Variants in ENOSF1 observed in about 807,000 individuals in gnomAD.
The protein encoded by ENOSF1 is mitochondrial enolase superfamily member 1.
Under a neutral mutation model 68.2 loss-of-function variants are expected in ENOSF1, and 73 were observed. The observed-to-expected ratio is 1.07, with a 90% CI of 0.89 to 1.30. The LOEUF (loss-of-function observed/expected upper bound fraction) is 1.30. Ranked by LOEUF, ENOSF1 falls within the 50% of genes most tolerant of loss-of-function variation. The pLI is 0.00. For synonymous variants in ENOSF1, 223 were observed against 210.4 expected (o/e 1.06, Z -0.52); for missense variants, 589 against 554.5 (o/e 1.06, Z -0.62).
At chr18:693,764 C>T (rs2077439447) in intron 5 of ENOSF1, 118 bp downstream of exon 5, 4 of 1,490,818 alleles carry the variant, frequency 2.7e-6, no homozygotes, top group Admixed American at 2.6e-5. Context: ...TTTGCTTTAT[C>T]ATCGCTATAG....
chr18:697,414 C>T, intron 2 of ENOSF1, 59 bp from the exon 3 acceptor site: 3 of 1,216,862 alleles, frequency 2.5e-6, no homozygotes, highest in Non-Finnish European at 3.6e-6. Context: ...GAAATTAGCA[C>T]CTGAAAACAT....
chr18:697,982 C>T (rs1484082327), intron 2 of ENOSF1, among the ~76,000 whole-genome samples: 1 of 152,066 alleles, frequency 6.6e-6, no homozygotes, highest in African/African-American at 2.4e-5. Context: ...TTTGTAGAGA[C>T]GCAGTTTCGA....
rs576654575 is a variant in ENOSF1 at position 691,216 on chromosome 18, C to T, written c.484G>A (p.Glu162Lys). Residue 162 changes from glutamate to lysine, a missense_variant, in exon 6 of 16, where the codon GAG (glutamate) becomes AAG (lysine). Glu to Lys is a moderately conservative substitution (Grantham distance 56, BLOSUM62 1). Transcript: ENST00000647584. ...CTTCCAAACTCACCTAGGGCATCCT[C>T]CTCAGTCAGGACATCAGTGATGTAC... ...FRYITDVLTE[E>K]DALEILQKGQ... is the part of the protein sequence containing the mutation. 4 of 1,614,204 alleles carry T rather than the reference C, an allele frequency of 2.5e-6. 1 individual carries two copies. In the Admixed American group the frequency reaches 6.7e-5, roughly 27 times the overall value.
At chr18:679,812 C>T (rs1568025988) in intron 11 of ENOSF1, among the ~76,000 whole-genome samples, 1 of 152,148 alleles carries the variant, frequency 6.6e-6, no homozygotes, top group Non-Finnish European at 1.5e-5. Context: ...AGCTACTCCG[C>T]ACAGGTAGCC....
chr18:695,828 T>C (rs1335332538), intron 3 of ENOSF1, among the ~76,000 whole-genome samples: 4 of 152,228 alleles, frequency 2.6e-5, no homozygotes, highest in East Asian at 1.9e-4. Context: ...GATGTTCAAA[T>C]TGTCCCAGAT....
rs1336921601 is a variant in ENOSF1, at chr18:677,776, G to A, written c.1015C>T (p.Leu339Phe). 6.2e-7 allele frequency: 1 copy of A among 1,614,098 alleles called. No individual in the cohort carries two copies. The highest frequency in any genetic ancestry group is 1.7e-5 in the Admixed American group (1 of 60,010). The change falls in exon 13 of 16, where the codon CTC becomes TTC. Residue 339 changes from leucine to phenylalanine, a missense_variant. By Grantham distance (22) the Leu-to-Phe change is conservative (BLOSUM62 0). Transcript: ENST00000647584. ...TTTTTGGCCATCAGCAATACTGAGAGGTTCTCATTGACACTGCCCAGTCTG... is the reference window on the plus strand; with the variant it reads ...TTTTTGGCCATCAGCAATACTGAGAAGTTCTCATTGACACTGCCCAGTCTG... The part of the protein sequence containing the change: ...SCRLGSVNEN[L>F]SVLLMAKKFE...
intron 2 of ENOSF1, 117 bp from the exon 3 acceptor site, chr18:697,472 C>A: frequency 1.2e-6 from 1 of 809,120 alleles, no homozygotes; most frequent in Non-Finnish European, 2.0e-6. Flanking sequence ...AAATCTAGGC[C>A]AGGCGCGGTG....
In ENOSF1 at chr18:690,474, G is replaced by A. The variant is rs1200887571; in HGVS notation, c.618+75C>T. 1.2e-5 allele frequency: 18 copies of A among 1,504,732 alleles called. No individual in the cohort carries two copies. In the South Asian group the frequency reaches 1.2e-4, roughly 10 times the overall value. 93.2% of individuals were successfully genotyped at this position (1,504,732 alleles called of 1,614,324 possible). On this transcript the variant is annotated intron_variant, in intron 8 of 15. Transcript: ENST00000647584. ...TCAGAAGTGAGGTACTGAGAGTAGT[G>A]GTATGAGGACAGAAGGAAAAACAGG...
Position 690,584 on chromosome 18 carries a change from C to A in ENOSF1, c.583G>T (p.Ala195Ser), listed in dbSNP as rs181508570. 2.5e-6 allele frequency: 4 copies of A among 1,613,940 alleles called. No homozygotes were observed. Among genetic ancestry groups the A allele is most frequent in the Non-Finnish European group, 3.4e-6 (4 of 1,180,050 alleles). Residue 195 changes from alanine (A) to serine (S), a missense_variant, in exon 8 of 16, where the codon GCC (alanine) becomes TCC (serine). Coordinates refer to ENST00000647584, the MANE Select transcript of ENOSF1 (RefSeq NM_017512.7). ...QGYPAYTTSC[A>S]WLGYSDDTLK... Reference sequence around the variant, plus strand: ...GTGTCATCTGAGTACCCCAGCCAGGCGCACGATGTCGTGTAAGCAGGGTAT... The same window carrying A: ...GTGTCATCTGAGTACCCCAGCCAGGAGCACGATGTCGTGTAAGCAGGGTAT...
intron 5 of ENOSF1, 128 bp downstream of exon 5, chr18:693,754 T>C: frequency 2.0e-6 from 3 of 1,477,898 alleles, no homozygotes; most frequent in Non-Finnish European, 2.7e-6. Context: ...TTATTGGCTT[T>C]TTGCTTTATC....
At position 706,495 on chromosome 18, in the gene ENOSF1, G is replaced by A; in HGVS notation, c.168C>T (p.Phe56=). 6.2e-7 allele frequency: 1 copy of A among 1,613,634 alleles called. No homozygotes were observed. The highest frequency in any genetic ancestry group is 8.5e-7 in the Non-Finnish European group (1 of 1,179,634). Residue 56 remains phenylalanine (F), a synonymous_variant, in exon 2 of 16, where the codon TTC becomes TTT. Transcript: ENST00000647584. ...EDGIKGCGIT[F]TLGKGTEVVV... ...CAACTTCAGTGCCTTTTCCCAGAGT[G>A]AAGGTAATTCCACACCCCTTGATTC... is the stretch of plus-strand genomic sequence containing the variant.
At chr18:689,055 G>A (rs906473022) in intron 8 of ENOSF1, among the ~76,000 whole-genome samples, 2 of 152,108 alleles carry the variant, frequency 1.3e-5, no homozygotes, top group African/African-American at 4.8e-5. Context: ...TGAGCATGAC[G>A]CAACTTACAG....
chr18:666,909 T>TGATGGA (rs1290842892), downstream of ENOSF1, among the ~76,000 whole-genome samples: 4 of 41,492 alleles, frequency 9.6e-5, no homozygotes, highest in Non-Finnish European at 5.2e-5. Context: ...ATGGAGATGG[T>TGATGGA]GATGGTGATG....
chr18:700,903 A>C (rs987734550), intron 2 of ENOSF1, among the ~76,000 whole-genome samples: 8 of 151,114 alleles, frequency 5.3e-5, no homozygotes, highest in South Asian at 2.1e-4. Flanking sequence ...AAAAAAAAAA[A>C]AAAAAAAAAA....
At chr18:694,193 AAGTC>A in intron 4 of ENOSF1, 51 bp downstream of exon 4, 1 of 1,531,402 alleles carries the variant, frequency 6.5e-7, no homozygotes, top group Non-Finnish European at 9.0e-7. Context: ...TGCGTAGGGA[AAGTC>A]AGTGTCGTAC....
Position 693,267 on chromosome 18 carries a change from A to C in ENOSF1, c.423+615T>G, listed in dbSNP as rs538732322. On this transcript the variant is annotated intron_variant, in intron 5 of 15. Transcript: ENST00000647584. ...TCCTTCCCTGCTGGAATTGTACAGT[A>C]GAGGCTACAATGGCCTGATCTTATT... 31 of 1,286,504 alleles carry C rather than the reference A, an allele frequency of 2.4e-5. No homozygotes were observed. The South Asian group carries it at 3.6e-4, about 15-fold the overall frequency. The allele number at this position is 1,286,504 out of a possible 1,614,324, so 79.7% of individuals were successfully genotyped here.
downstream of ENOSF1, among the ~76,000 whole-genome samples, chr18:665,462 C>A (rs949293992): frequency 6.7e-6 from 1 of 149,414 alleles, no homozygotes; most frequent in African/African-American, 2.5e-5. Context: ...TTTCAAAAAA[C>A]CAGCTCCTGG....
At chr18:707,778 C>T (rs2079088503) in intron 1 of ENOSF1, 1 of 152,018 alleles carries the variant, frequency 6.6e-6, no homozygotes, top group South Asian at 2.1e-4. Flanking sequence ...TGCTCTTATC[C>T]TTATTAAAGA....
chr18:669,635 CA>C (rs1446979251), downstream of ENOSF1, among the ~76,000 whole-genome samples: 4 of 151,968 alleles, frequency 2.6e-5, no homozygotes, highest in Non-Finnish European at 4.4e-5. Context: ...GCCTCCCAAC[CA>C]GATGATCTTA....
Sources: allele counts gnomAD v4.1 joint callset (sites outside exome capture counted in the v4.1 genomes callset), GRCh38; gene constraint gnomAD v4.1.1; transcripts MANE v1.5; gene names NCBI Gene and HGNC (gene_info 2026-07-23, HGNC 2026-07-21).